Variants in EYS observed in about 807,000 individuals in gnomAD.
EYS encodes the protein protein eyes shut homolog.
A neutral mutation model predicts 282.1 loss-of-function variants in EYS; 250 were observed. That is an observed-to-expected ratio of 0.89 (90% CI 0.80 to 0.98). The LOEUF (loss-of-function observed/expected upper bound fraction) is 0.98. EYS is among the 50% of genes least tolerant of loss of function. EYS has a pLI of 0.00. For synonymous variants in EYS, 1,355 were observed against 1,282.9 expected (o/e 1.06, Z -1.20); for missense variants, 4,016 against 3,709.0 (o/e 1.08, Z -2.15).
chr6:65,182,403 G>T (rs1035260478), intron 12 of EYS, among the ~76,000 whole-genome samples: 2 of 150,978 alleles, frequency 1.3e-5, no homozygotes, highest in Non-Finnish European at 3.0e-5. Context: ...TTTTAATTCT[G>T]TGCCCATTTT....
At chr6:65,150,296 T>C (rs1481419767) in intron 12 of EYS, among the ~76,000 whole-genome samples, 2 of 152,084 alleles carry the variant, frequency 1.3e-5, no homozygotes, top group African/African-American at 2.4e-5. Context: ...CAGGAAGATT[T>C]ATCAAGGTGT....
chr6:65,157,789 G>GT (rs146937519), intron 12 of EYS, among the ~76,000 whole-genome samples: 4,658 of 150,296 alleles, frequency 0.031, 101 homozygotes, highest in African/African-American at 0.062. Flanking sequence ...TTTATGACAG[G>GT]TTTTTTCCCC....
rs1221093593 is a variant in EYS, at chr6:65,552,090, C to G, written c.-332-56097G>C. ...ACACATGAAGAAATGCTCATCATCA[C>G]TGGCCATCAGAGAAATGCAAATCAA... On this transcript the variant is annotated intron_variant, in intron 2 of 42. Transcript: ENST00000503581. Among the ~76,000 whole-genome samples, 2 of 11,250 alleles carry G rather than the reference C, an allele frequency of 1.8e-4. 1 individual carries two copies. Among genetic ancestry groups the G allele is most frequent in the Non-Finnish European group, 2.5e-4 (2 of 7,980 alleles). 7.4% of individuals were successfully genotyped at this position (11,250 alleles called of 152,430 possible). A position where few individuals can be genotyped will look rare whatever the true frequency, so the allele number is the denominator to read the frequency against.
At chr6:63,936,286 T>A (rs114381677) in intron 35 of EYS, among the ~76,000 whole-genome samples, 69 of 152,330 alleles carry the variant, frequency 4.5e-4, no homozygotes, top group African/African-American at 1.6e-3. Context: ...AAATGCCAAT[T>A]TACATGTATT....
At chr6:63,818,917 G>A (rs1771249952) in intron 36 of EYS, among the ~76,000 whole-genome samples, 1 of 152,234 alleles carries the variant, frequency 6.6e-6, no homozygotes, top group Non-Finnish European at 1.5e-5. Context: ...ATCCAAGTGA[G>A]TTGTCTCCTT....
At chr6:64,380,092 A>G (rs1475192203) in intron 29 of EYS, among the ~76,000 whole-genome samples, 1 of 135,104 alleles carries the variant, frequency 7.4e-6, no homozygotes, top group African/African-American at 2.8e-5. Flanking sequence ...ATGTAGCAAT[A>G]TTTGCTGATT....
chr6:64,901,989 G>T, intron 18 of EYS, 124 bp downstream of exon 18: 2 of 636,106 alleles, frequency 3.1e-6, no homozygotes, highest in Non-Finnish European at 5.4e-6. Flanking sequence ...AGGATGTGCT[G>T]GTACAAGCAC....
chr6:65,656,931 T>C (rs1353113860), intron 1 of EYS, among the ~76,000 whole-genome samples: 1 of 151,936 alleles, frequency 6.6e-6, no homozygotes, highest in Non-Finnish European at 1.5e-5. Flanking sequence ...TAGAGGCTAA[T>C]GTAGCTGGTG....
intron 7 of EYS, among the ~76,000 whole-genome samples, chr6:65,395,066 T>C (rs1766227303): frequency 6.6e-6 from 1 of 152,234 alleles, no homozygotes; most frequent in South Asian, 2.1e-4. Context: ...CTTTATTTGT[T>C]TGTCTGTCTG....
At chr6:63,958,566 G>C (rs1379569740) in intron 35 of EYS, among the ~76,000 whole-genome samples, 1 of 152,172 alleles carries the variant, frequency 6.6e-6, no homozygotes, top group East Asian at 1.9e-4. Context: ...TGATGGAAGT[G>C]GCTACACTAA....
intron 24 of EYS, among the ~76,000 whole-genome samples, chr6:64,616,873 C>A (rs1767289461): frequency 6.6e-6 from 1 of 151,954 alleles, no homozygotes. Flanking sequence ...TCACTATATT[C>A]ATGGGCTGCG....
intron 26 of EYS, among the ~76,000 whole-genome samples, chr6:64,446,524 A>C (rs1775121721): frequency 6.6e-6 from 1 of 151,276 alleles, no homozygotes; most frequent in South Asian, 2.1e-4. Context: ...ATATTTTTGA[A>C]AGTGTAAAGG....
rs1332236552 is a variant in EYS, at chr6:64,590,370, T to C, written c.5497A>G (p.Thr1833Ala). 8 of 1,551,210 alleles carry C rather than the reference T, an allele frequency of 5.2e-6. No individual in the cohort carries two copies. The highest frequency in any genetic ancestry group is 7.0e-6 in the Non-Finnish European group (8 of 1,146,744). Reference protein sequence around the residue: ...YMTSLKKEVKTSSEWSKWELQ... With the variant: ...YMTSLKKEVKASSEWSKWELQ... Reference sequence around the variant, plus strand: ...TCCCATTTGGACCATTCTGAAGAAGTCTTGACCTCTTTTTTAAGAGAGGTC... The same window carrying C: ...TCCCATTTGGACCATTCTGAAGAAGCCTTGACCTCTTTTTTAAGAGAGGTC... Residue 1833 changes from threonine (T) to alanine (A), a missense_variant, in exon 26 of 43, where the codon ACT becomes GCT. Thr to Ala is a moderately conservative substitution (Grantham distance 58). Transcript: ENST00000503581.
intron 12 of EYS, among the ~76,000 whole-genome samples, chr6:65,269,776 G>A (rs1022696650): frequency 3.9e-5 from 6 of 152,090 alleles, no homozygotes; most frequent in East Asian, 1.9e-4. Context: ...ATGGCAGACC[G>A]AGGGCAAGCT....
At chr6:64,650,560 T>C (rs1328775236) in intron 22 of EYS, among the ~76,000 whole-genome samples, 1 of 151,826 alleles carries the variant, frequency 6.6e-6, no homozygotes. Context: ...AAACCTATAC[T>C]AAGTGAATGC....
chr6:63,933,872 T>C (rs1207520548), intron 35 of EYS, among the ~76,000 whole-genome samples: 1 of 151,650 alleles, frequency 6.6e-6, no homozygotes, highest in East Asian at 1.9e-4. Flanking sequence ...GGTAAAGGAG[T>C]AGACAGTCTT....
chr6:64,068,276 G>A (rs540485099), intron 32 of EYS, among the ~76,000 whole-genome samples: 1 of 152,190 alleles, frequency 6.6e-6, no homozygotes, highest in South Asian at 2.1e-4. Context: ...GTTGTGAAAT[G>A]TCACTTTGTG....
chr6:65,160,762 C>T (rs1193427537), intron 12 of EYS, among the ~76,000 whole-genome samples: 2 of 150,986 alleles, frequency 1.3e-5, no homozygotes, highest in East Asian at 3.9e-4. Context: ...CTCTGATATG[C>T]ACAAGATTTG....
At chr6:65,628,135 G>A (rs1485980901) in intron 2 of EYS, among the ~76,000 whole-genome samples, 1 of 152,162 alleles carries the variant, frequency 6.6e-6, no homozygotes, top group Non-Finnish European at 1.5e-5. Context: ...CTGCTCTGGT[G>A]GGGCCTTGGA....
Sources: allele counts gnomAD v4.1 joint callset (sites outside exome capture counted in the v4.1 genomes callset), GRCh38; gene constraint gnomAD v4.1.1; transcripts MANE v1.5; gene names NCBI Gene and HGNC (gene_info 2026-07-23, HGNC 2026-07-21).